The following GBE1 variants were observed in gnomAD, a reference collection of about 807,000 sequenced individuals.
GBE1 encodes the protein 1,4-alpha-glucan branching enzyme 1.
Under a neutral mutation model 88.8 loss-of-function variants are expected in GBE1, and 70 were observed. The ratio of observed to expected loss-of-function variants is 0.79; its 90% CI spans 0.65 to 0.96. The LOEUF (loss-of-function observed/expected upper bound fraction) is 0.96. Ranked by LOEUF, GBE1 falls within the 40% of genes least tolerant of loss-of-function variation. The pLI, the probability that GBE1 is intolerant of heterozygous loss-of-function variation, is 0.00. For synonymous variants in GBE1, 284 were observed against 300.1 expected (o/e 0.95, Z 0.56); for missense variants, 872 against 871.0 (o/e 1.00, Z -0.01).
At chr3:81,639,097 A>G (rs936926855) in intron 7 of GBE1, among the ~76,000 whole-genome samples, 2 of 152,122 alleles carry the variant, frequency 1.3e-5, no homozygotes, top group African/African-American at 2.4e-5. Flanking sequence ...GTAATTTCTG[A>G]TTTCATCTGA....
At chr3:81,617,750 T>C (rs551907373) in intron 7 of GBE1, among the ~76,000 whole-genome samples, 1 of 152,108 alleles carries the variant, frequency 6.6e-6, no homozygotes, top group Non-Finnish European at 1.5e-5. Flanking sequence ...TGGGTAGTGT[T>C]CCTTCTTTTT....
At chr3:81,691,546 G>A (rs951002918) in intron 2 of GBE1, among the ~76,000 whole-genome samples, 44 of 152,112 alleles carry the variant, frequency 2.9e-4, no homozygotes, top group Admixed American at 2.4e-3. Flanking sequence ...GGAGGCCTTG[G>A]AGAGGGGATC....
At position 81,586,197 on chromosome 3, in the gene GBE1, C is replaced by A. The variant is rs777777102; in HGVS notation, c.1237-7G>T. ...CTGGCATTCCTGATACATCCTACAA[C>A]AAAGAACGTCGGTTCATAATGATCA... On this transcript the variant is annotated splice_region_variant and splice_polypyrimidine_tract_variant and intron_variant, in intron 9 of 15. Transcript: ENST00000429644. The A allele has an allele frequency of 1.9e-6, 3 of 1,556,734 alleles. No homozygotes were observed. Among genetic ancestry groups the A allele is most frequent in the Non-Finnish European group, 2.6e-6 (3 of 1,139,072 alleles).
chr3:81,551,134 C>T (rs147596819), intron 12 of GBE1, among the ~76,000 whole-genome samples: 6 of 152,300 alleles, frequency 3.9e-5, no homozygotes, highest in Non-Finnish European at 8.8e-5. Flanking sequence ...TTCTAAGCCC[C>T]ATGTTAAAGT....
At chr3:81,604,186 C>G (rs748269945) in intron 7 of GBE1, among the ~76,000 whole-genome samples, 5 of 151,208 alleles carry the variant, frequency 3.3e-5, no homozygotes, top group Non-Finnish European at 7.4e-5. Flanking sequence ...TGTGCCTTTT[C>G]TTTATATTAG....
At position 81,549,303 on chromosome 3, in the gene GBE1, C is replaced by A. The variant is rs138799340; in HGVS notation, c.1619-12208G>T. Among the ~76,000 whole-genome samples, 904 of 151,532 alleles carry A rather than the reference C, an allele frequency of 6.0e-3. 20 individuals carry two copies. Among genetic ancestry groups the A allele is most frequent in the African/African-American group, 0.017 (708 of 41,454 alleles). On this transcript the variant is annotated intron_variant, in intron 12 of 15. Coordinates refer to ENST00000429644, the MANE Select transcript of GBE1 (RefSeq NM_000158.4). ...TCAGCCTCCCAAAGTGCTGGGATTA[C>A]AGGAGTGAGCCACCACCCCCGGCTG...
rs1183664837 is a variant in GBE1, at chr3:81,651,080, CATT to C, written c.430-1162_430-1160del. On this transcript the variant is annotated intron_variant, in intron 3 of 15. Coordinates refer to ENST00000429644, the MANE Select transcript of GBE1 (RefSeq NM_000158.4). ...ATTAAAAGCTATATTATGTCCTCAT[CATT>C]GAGGAGAACGTATTCTTCAGTCTCC... Among the ~76,000 whole-genome samples, 24 of 152,320 alleles carry C rather than the reference CATT, an allele frequency of 1.6e-4. No homozygotes were observed. The East Asian group carries it at 4.6e-3, about 29-fold the overall frequency.
intron 2 of GBE1, among the ~76,000 whole-genome samples, chr3:81,691,762 G>A (rs1705524950): frequency 6.6e-6 from 1 of 152,112 alleles, no homozygotes; most frequent in Non-Finnish European, 1.5e-5. Flanking sequence ...GACAGAGCAA[G>A]ACCAGGTCTC....
intron 3 of GBE1, among the ~76,000 whole-genome samples, chr3:81,669,114 C>T (rs1705153855): frequency 6.6e-6 from 1 of 152,128 alleles, no homozygotes; most frequent in Admixed American, 6.5e-5. Context: ...ACCCTGCAAC[C>T]AAAGCTCCAC....
At chr3:81,615,112 A>G (rs1171682146) in intron 7 of GBE1, among the ~76,000 whole-genome samples, 1 of 152,212 alleles carries the variant, frequency 6.6e-6, no homozygotes, top group Non-Finnish European at 1.5e-5. Flanking sequence ...GAAAATGAAG[A>G]CTACTGCCAA....
chr3:81,719,464 G>T (rs2107187404), intron 1 of GBE1, among the ~76,000 whole-genome samples: 1 of 151,798 alleles, frequency 6.6e-6, no homozygotes, highest in East Asian at 1.9e-4. Flanking sequence ...TGATTCACCT[G>T]CCTCAGCCTC....
intron 14 of GBE1, among the ~76,000 whole-genome samples, chr3:81,501,369 A>C (rs7622930): frequency 0.16 from 23,857 of 152,194 alleles, 1,981 homozygotes; most frequent in Non-Finnish European, 0.2. Flanking sequence ...GGCACAGGAA[A>C]GACAACTTTT....
intron 15 of GBE1, among the ~76,000 whole-genome samples, chr3:81,497,225 C>T (rs1011311518): frequency 6.6e-6 from 1 of 152,100 alleles, no homozygotes; most frequent in African/African-American, 2.4e-5. Flanking sequence ...TATTTTCTGC[C>T]CACCTCAAAA....
chr3:81,750,641 A>ATG (rs1313999270), intron 1 of GBE1, among the ~76,000 whole-genome samples: 5 of 53,086 alleles, frequency 9.4e-5, no homozygotes, highest in Non-Finnish European at 1.5e-4. Context: ...GTATATATAT[A>ATG]TATGTATATA....
In GBE1 at chr3:81,632,635, G is replaced by A. The variant is rs1489642349; in HGVS notation, c.992+10146C>T. Among the ~76,000 whole-genome samples, 6 of 152,144 alleles carry A rather than the reference G, an allele frequency of 3.9e-5. No homozygotes were observed. In the South Asian group the frequency reaches 8.3e-4, roughly 21 times the overall value. ...GGTGTAAATTAGTTCAACCATTGTG[G>A]ACAGTGTGGAGATTCCTCAAGGATC... On this transcript the variant is annotated intron_variant, in intron 7 of 15. Transcript: ENST00000429644.
intron 1 of GBE1, among the ~76,000 whole-genome samples, chr3:81,722,652 A>G (rs957907623): frequency 5.9e-5 from 9 of 151,860 alleles, no homozygotes; most frequent in Non-Finnish European, 1.3e-4. Context: ...ATGAAAACTT[A>G]TATCTCATTA....
At chr3:81,511,868 A>G (rs1039663240) in intron 14 of GBE1, among the ~76,000 whole-genome samples, 1 of 106,562 alleles carries the variant, frequency 9.4e-6, no homozygotes, top group Non-Finnish European at 1.8e-5. Flanking sequence ...GTCCTACAAG[A>G]AAAAAAAAAA....
chr3:81,657,955 G>A (rs1704966412), intron 3 of GBE1, among the ~76,000 whole-genome samples: 1 of 151,908 alleles, frequency 6.6e-6, no homozygotes, highest in African/African-American at 2.4e-5. Flanking sequence ...ATGCAAGACT[G>A]GACACTACAC....
chr3:81,695,366 T>A (rs897442559), intron 2 of GBE1, among the ~76,000 whole-genome samples: 1 of 152,208 alleles, frequency 6.6e-6, no homozygotes, highest in Non-Finnish European at 1.5e-5. Flanking sequence ...TTAAAAATAT[T>A]ATGCTAAATG....
Sources: gnomAD v4.1 joint callset for allele counts (sites outside exome capture counted in the v4.1 genomes callset) on GRCh38, gnomAD v4.1.1 for gene constraint, MANE v1.5 for transcripts, NCBI Gene and HGNC (gene_info 2026-07-23, HGNC 2026-07-21) for gene names.